SREBF2: variants seen among roughly 807,000 people sequenced by gnomAD.
The protein encoded by SREBF2 is sterol regulatory element binding transcription factor 2.
A neutral mutation model predicts 113.1 loss-of-function variants in SREBF2; 55 were observed. The ratio of observed to expected loss-of-function variants is 0.49; its 90% CI spans 0.39 to 0.61. SREBF2 has a LOEUF of 0.61. Among genes scored for constraint, SREBF2 ranks in the 20% least tolerant of loss-of-function variants. The pLI, the probability that SREBF2 is intolerant of heterozygous loss-of-function variation, is 0.00. For synonymous variants in SREBF2, 593 were observed against 605.7 expected (o/e 0.98, Z 0.31); for missense variants, 1,349 against 1,487.4 (o/e 0.91, Z 1.53).
At chr22:41,858,783 G>T (rs1294015198) in intron 1 of SREBF2, among the ~76,000 whole-genome samples, 3 of 151,412 alleles carry the variant, frequency 2.0e-5, no homozygotes, top group Non-Finnish European at 4.4e-5. Flanking sequence ...GAAATGGAGG[G>T]TTAAGGATCA....
rs573095243 is a variant in SREBF2 at position 41,903,202 on chromosome 22, G to A, written c.3093+47G>A. ...GGGCAGGGCAGATTGGAGCCTGTGG[G>A]GCCTGAGCCCAGAACCCAGCATGGG... On this transcript the variant is annotated intron_variant, in intron 17 of 18. Transcript: ENST00000361204. 26 of 1,540,984 alleles carry A rather than the reference G, an allele frequency of 1.7e-5. No homozygotes were observed. In the South Asian group the frequency reaches 2.9e-4, roughly 17 times the overall value.
Position 41,896,237 on chromosome 22 carries a change from T to C in SREBF2, c.2496-815T>C, listed in dbSNP as rs968100070. Reference sequence around the variant, plus strand: ...GACATCTTGGGGACCCAGCCCCTCATGGAATGTGCCGGGCAATTTTTCTCT... The same window carrying C: ...GACATCTTGGGGACCCAGCCCCTCACGGAATGTGCCGGGCAATTTTTCTCT... On this transcript the variant is annotated intron_variant, in intron 13 of 18. Transcript: ENST00000361204. 2.0e-5 allele frequency among the ~76,000 whole-genome samples: 3 copies of C among 152,100 alleles called. No homozygotes were observed. In the East Asian group the frequency reaches 5.8e-4, roughly 29 times the overall value.
In SREBF2 at chr22:41,833,536, C is replaced by T. The variant is rs1228921303; in HGVS notation, c.88+178C>T. On this transcript the variant is annotated intron_variant, in intron 1 of 18. Transcript: ENST00000361204. The surrounding 1 kb of genome is among the most constrained non-coding windows in gnomAD (Gnocchi z 4.1). Reference sequence around the variant, plus strand: ...CCGGCGCTGCGAGCGTGAGCCCGACCCAGCTGCGCCGCTCCGGGAGGCCGT... The same window carrying T: ...CCGGCGCTGCGAGCGTGAGCCCGACTCAGCTGCGCCGCTCCGGGAGGCCGT... 1 of 490,354 alleles carries T rather than the reference C, an allele frequency of 2.0e-6. No homozygotes were observed. The highest frequency in any genetic ancestry group is 3.5e-6 in the Non-Finnish European group (1 of 288,404). 30.4% of individuals were successfully genotyped at this position (490,354 alleles called of 1,614,324 possible).
intron 1 of SREBF2, among the ~76,000 whole-genome samples, chr22:41,861,193 T>C (rs530177218): frequency 1.1e-4 from 17 of 152,232 alleles, no homozygotes; most frequent in Admixed American, 1.1e-3. Flanking sequence ...CATTAAAACA[T>C]TGACAATGGG....
intron 1 of SREBF2, among the ~76,000 whole-genome samples, chr22:41,850,000 C>T (rs866866131): frequency 2.0e-5 from 3 of 150,910 alleles, no homozygotes; most frequent in South Asian, 2.1e-4. Flanking sequence ...ATTAGCCGGG[C>T]GTAGTGGCAC....
At chr22:41,900,738 C>T (rs1268052423) in intron 16 of SREBF2, among the ~76,000 whole-genome samples, 1 of 152,222 alleles carries the variant, frequency 6.6e-6, no homozygotes, top group Non-Finnish European at 1.5e-5. Flanking sequence ...CCCAGAGTCC[C>T]AGGTCCTGCT....
At position 41,873,984 on chromosome 22, in the gene SREBF2, G is replaced by C; in HGVS notation, c.1054G>C (p.Glu352Gln). Residue 352 changes from glutamate to glutamine, a missense_variant, in exon 5 of 19, where the codon GAA becomes CAA. Around this residue, in one of 2 missense-constraint regions of SREBF2, gnomAD observed 699 missense variants for 843.3 expected, o/e 0.83. Coordinates refer to ENST00000361204, the MANE Select transcript of SREBF2 (RefSeq NM_004599.4). ...YRSSINDKII[E>Q]LKDLVMGTDA... ...CTCCTCCATCAATGACAAAATCATCGAATTGAAAGACCTGGTCATGGGGAC... is the reference window on the plus strand; with the variant it reads ...CTCCTCCATCAATGACAAAATCATCCAATTGAAAGACCTGGTCATGGGGAC... The C allele has an allele frequency of 6.2e-7, 1 of 1,614,048 alleles. No individual in the cohort carries two copies. The highest frequency in any genetic ancestry group is 8.5e-7 in the Non-Finnish European group (1 of 1,180,012).
intron 9 of SREBF2, among the ~76,000 whole-genome samples, chr22:41,879,822 G>A (rs577012032): frequency 2.6e-5 from 4 of 152,284 alleles, no homozygotes; most frequent in African/African-American, 4.8e-5. Context: ...GTACAGTGCC[G>A]TAGACTCTCC....
At chr22:41,867,377 C>A (rs1421603816) in intron 2 of SREBF2, 97 bp downstream of exon 2, 3 of 1,319,262 alleles carry the variant, frequency 2.3e-6, no homozygotes, top group Non-Finnish European at 3.2e-6. Context: ...TCAGGAATGG[C>A]AGGTATATCA....
At chr22:41,843,393 G>A (rs2076846515) in intron 1 of SREBF2, among the ~76,000 whole-genome samples, 2 of 152,240 alleles carry the variant, frequency 1.3e-5, no homozygotes, top group African/African-American at 4.8e-5. Context: ...CAAGTTCCTT[G>A]TTCTCACAGA....
chr22:41,873,695 C>T (rs2077166623), intron 4 of SREBF2, 103 bp from the exon 5 acceptor site: 3 of 1,164,960 alleles, frequency 2.6e-6, no homozygotes. Context: ...TGAAGTACTG[C>T]CAGGTCTGGC....
chr22:41,878,200 C>CT, intron 9 of SREBF2, 77 bp downstream of exon 9: 1 of 1,579,820 alleles, frequency 6.3e-7, no homozygotes, highest in Non-Finnish European at 8.6e-7. Flanking sequence ...AAAGAAAGTC[C>CT]TATGATAGAT....
At chr22:41,840,394 C>A (rs1160269262) in intron 1 of SREBF2, among the ~76,000 whole-genome samples, 2 of 152,182 alleles carry the variant, frequency 1.3e-5, no homozygotes, top group Admixed American at 1.3e-4. Flanking sequence ...CTTCACTTAT[C>A]TTGGGACAAC....
intron 1 of SREBF2, among the ~76,000 whole-genome samples, chr22:41,843,041 G>A (rs912800506): frequency 6.6e-6 from 1 of 152,072 alleles, no homozygotes; most frequent in African/African-American, 2.4e-5. Flanking sequence ...ATCTAGGTGT[G>A]TGTAAGTATA....
intron 1 of SREBF2, among the ~76,000 whole-genome samples, chr22:41,846,850 T>G (rs2076880691): frequency 6.6e-6 from 1 of 152,208 alleles, no homozygotes. Flanking sequence ...TGTGAGGCAC[T>G]TGTCTGTTCT....
At chr22:41,866,298 C>A (rs1429855254) in intron 1 of SREBF2, among the ~76,000 whole-genome samples, 1 of 151,778 alleles carries the variant, frequency 6.6e-6, no homozygotes, top group Non-Finnish European at 1.5e-5. Flanking sequence ...CACCTGTAAT[C>A]CCAGCACTTT....
At position 41,905,864 on chromosome 22, in the gene SREBF2, G is replaced by A. The variant is rs1462054196; in HGVS notation, c.*204G>A. 1.1e-5 allele frequency: 8 copies of A among 720,786 alleles called. No individual in the cohort carries two copies. The highest frequency in any genetic ancestry group is 1.0e-5 in the Non-Finnish European group (4 of 401,916). 44.6% of individuals were successfully genotyped at this position (720,786 alleles called of 1,614,324 possible). On this transcript the variant is annotated 3_prime_UTR_variant, in exon 19 of 19. Transcript: ENST00000361204. Reference sequence around the variant, plus strand: ...ATGCCCATGGTCCAGGGCCTGGTGGGCGTGAGAGGATAGGTGGCAGGGCAG... The same window carrying A: ...ATGCCCATGGTCCAGGGCCTGGTGGACGTGAGAGGATAGGTGGCAGGGCAG...
Position 41,899,310 on chromosome 22 carries a change from C to T in SREBF2, c.2738+529C>T, listed in dbSNP as rs572813357. The T allele has an allele frequency of 4.4e-5, 45 of 1,032,074 alleles. 1 individual carries two copies. Among genetic ancestry groups the T allele is most frequent in the South Asian group, 1.5e-4 (4 of 26,956 alleles). 63.9% of individuals were successfully genotyped at this position (1,032,074 alleles called of 1,614,324 possible). ...AATAGCCTTTAGCACATGGCATAAC[C>T]GGAGAGCTTTTGACATTCCTCTTTG... On this transcript the variant is annotated intron_variant, in intron 15 of 18. Coordinates refer to ENST00000361204, the MANE Select transcript of SREBF2 (RefSeq NM_004599.4).
At chr22:41,878,229 A>G in intron 9 of SREBF2, 106 bp downstream of exon 9, 1 of 1,450,366 alleles carries the variant, frequency 6.9e-7, no homozygotes, top group Non-Finnish European at 9.4e-7. Context: ...TGAGAGGAAA[A>G]AGGGACCCTG....
Sources: allele counts gnomAD v4.1 joint callset (sites outside exome capture counted in the v4.1 genomes callset), GRCh38; gene constraint gnomAD v4.1.1; regional missense constraint gnomAD v4.1.1; non-coding constraint Gnocchi (gnomAD v3.1); transcripts MANE v1.5; gene names NCBI Gene and HGNC (gene_info 2026-07-23, HGNC 2026-07-21).